The following VGLL3 variants were observed in gnomAD, a reference collection of about 807,000 sequenced individuals.
VGLL3 encodes the protein transcription cofactor vestigial-like protein 3.
A neutral mutation model predicts 29.2 loss-of-function variants in VGLL3; 18 were observed. That is an observed-to-expected ratio of 0.62 (90% CI 0.43 to 0.91). VGLL3 has a LOEUF of 0.91. Among genes scored for constraint, VGLL3 ranks in the 40% least tolerant of loss-of-function variants. The probability of loss-of-function intolerance (pLI) is 0.00; values close to 1 mark genes in which losing one functional copy is unlikely to be tolerated. For missense variants in VGLL3, 440 were observed against 413.2 expected (o/e 1.06, Z -0.56); for synonymous variants, 180 against 151.8 (o/e 1.19, Z -1.36).
intron 3 of VGLL3, among the ~76,000 whole-genome samples, chr3:86,968,017 A>C (rs575907314): frequency 6.6e-6 from 1 of 152,284 alleles, no homozygotes; most frequent in Non-Finnish European, 1.5e-5. Context: ...GGAATAAGAG[A>C]AAAGAAGGAA....
chr3:86,938,249 T>C lies in VGLL3; in HGVS notation c.*8775A>G, dbSNP rs1180338298. On this transcript the variant is annotated 3_prime_UTR_variant, in exon 4 of 4. Coordinates refer to ENST00000398399, the MANE Select transcript of VGLL3 (RefSeq NM_016206.4). ...TCATTATCACAATCAAATTAATTAA[T>C]ACAACCATAACTAGAAGTATTTTTT... 6.6e-6 allele frequency: 1 copy of C among 152,186 alleles called. No homozygotes were observed. Among genetic ancestry groups the C allele is most frequent in the East Asian group, 1.9e-4 (1 of 5,192 alleles). 9.4% of individuals were successfully genotyped at this position (152,186 alleles called of 1,614,324 possible). A position where few individuals can be genotyped will look rare whatever the true frequency, so the allele number is the denominator to read the frequency against.
chr3:86,971,584 A>G (rs1705101231), intron 2 of VGLL3, among the ~76,000 whole-genome samples: 1 of 152,208 alleles, frequency 6.6e-6, no homozygotes, highest in African/African-American at 2.4e-5. Context: ...ATCCAAAAAT[A>G]CCACCTATAA....
rs1486173796 is a variant in VGLL3, at chr3:86,940,731, G to A, written c.*6293C>T. ...ATCTTATATCATTGACACATATTAT[G>A]AGACCTGCATTTGAAGAGTGAATAG... On this transcript the variant is annotated 3_prime_UTR_variant, in exon 4 of 4. Coordinates refer to ENST00000398399, the MANE Select transcript of VGLL3 (RefSeq NM_016206.4). 1 of 151,892 alleles carries A rather than the reference G, an allele frequency of 6.6e-6. No homozygotes were observed. Among genetic ancestry groups the A allele is most frequent in the Admixed American group, 6.6e-5 (1 of 15,256 alleles). 9.4% of individuals were successfully genotyped at this position (151,892 alleles called of 1,614,324 possible).
chr3:86,969,164 T>A, intron 2 of VGLL3, 41 bp from the exon 3 acceptor site: 1 of 1,523,232 alleles, frequency 6.6e-7, no homozygotes, highest in Non-Finnish European at 8.8e-7. Flanking sequence ...AACATAAGAC[T>A]CAGTTTTGGG....
At position 86,978,522 on chromosome 3, in the gene VGLL3, T is replaced by C; in HGVS notation, c.403+4A>G. ...CTGGAGAACATCTGCTTTTGAATTC[T>C]TACCTCGCCATAGGGGGGTTAGCCC... On this transcript the variant is annotated splice_donor_region_variant and intron_variant, in intron 2 of 3. Transcript: ENST00000398399. 1 of 1,613,312 alleles carries C rather than the reference T, an allele frequency of 6.2e-7. No individual in the cohort carries two copies. Among genetic ancestry groups the C allele is most frequent in the Non-Finnish European group, 8.5e-7 (1 of 1,179,602 alleles).
chr3:86,984,873 CTCTAAGTGGCTAATAT>C (rs1419911239), intron 1 of VGLL3, among the ~76,000 whole-genome samples: 3 of 152,106 alleles, frequency 2.0e-5, no homozygotes, highest in Non-Finnish European at 2.9e-5. Flanking sequence ...GCATTATAAT[CTCTAAGTGGCTAATAT>C]TCCAAAATTT....
intron 3 of VGLL3, among the ~76,000 whole-genome samples, chr3:86,950,077 C>A (rs1704586697): frequency 6.6e-6 from 1 of 152,152 alleles, no homozygotes. Context: ...TGCTCCTATT[C>A]ATACTTTTCT....
chr3:86,967,023 C>A (rs1704979972), intron 3 of VGLL3, among the ~76,000 whole-genome samples: 1 of 151,556 alleles, frequency 6.6e-6, no homozygotes, highest in South Asian at 2.1e-4. Flanking sequence ...AATTCTGTAA[C>A]AAGTGAGTGA....
In VGLL3 at chr3:86,943,938, T is replaced by TC. The variant is rs1299831192; in HGVS notation, c.*3085dup. On this transcript the variant is annotated 3_prime_UTR_variant, in exon 4 of 4. Transcript: ENST00000398399. ...TAAAATCAGACAAAAGTCACCTTTG[T>TC]CTAAAGGTGGAGTGGTTTTAATAAA... The TC allele has an allele frequency of 6.6e-6, 1 of 152,174 alleles. No homozygotes were observed. The highest frequency in any genetic ancestry group is 1.5e-5 in the Non-Finnish European group (1 of 68,036). The allele number at this position is 152,174 out of a possible 1,614,324, so 9.4% of individuals were successfully genotyped here. A position where few individuals can be genotyped will look rare whatever the true frequency, so the allele number is the denominator to read the frequency against.
In VGLL3 at chr3:86,990,649, T is replaced by A. The variant is rs755091157; in HGVS notation, c.95A>T (p.Tyr32Phe). 1 of 1,389,716 alleles carries A rather than the reference T, an allele frequency of 7.2e-7. No homozygotes were observed. The highest frequency in any genetic ancestry group is 9.4e-7 in the Non-Finnish European group (1 of 1,066,328). The allele number at this position is 1,389,716 out of a possible 1,614,324, so 86.1% of individuals were successfully genotyped here. A position where few individuals can be genotyped will look rare whatever the true frequency, so the allele number is the denominator to read the frequency against. ...PMAATTCPTAYYQPAPQPGQQ... is the reference protein window; with the variant it reads ...PMAATTCPTAFYQPAPQPGQQ... ...GCCAGGTTGGGGCGCCGGCTGATAG[T>A]AGGCTGTGGGGCAGGTTGTCGCTGC... Residue 32 changes from tyrosine to phenylalanine, a missense_variant, in exon 1 of 4, where the codon TAC becomes TTC. Transcript: ENST00000398399.
intron 1 of VGLL3, among the ~76,000 whole-genome samples, chr3:86,983,191 C>A (rs190723312): frequency 1.1e-4 from 16 of 152,304 alleles, no homozygotes; most frequent in African/African-American, 3.9e-4. Context: ...TAATGAATCA[C>A]TGGAGTCTTT....
intron 1 of VGLL3, among the ~76,000 whole-genome samples, chr3:86,983,364 G>C (rs1705369053): frequency 6.6e-6 from 1 of 152,152 alleles, no homozygotes; most frequent in South Asian, 2.1e-4. Flanking sequence ...ACATTACTCT[G>C]TGACCATATA....
At chr3:86,978,451 T>G in intron 2 of VGLL3, 75 bp downstream of exon 2, 1 of 1,519,796 alleles carries the variant, frequency 6.6e-7, no homozygotes, top group East Asian at 2.3e-5. Flanking sequence ...GGGGCAAGTC[T>G]CCAGCTGGAA....
At chr3:86,964,742 C>G (rs1704923407) in intron 3 of VGLL3, among the ~76,000 whole-genome samples, 1 of 152,190 alleles carries the variant, frequency 6.6e-6, no homozygotes, top group Non-Finnish European at 1.5e-5. Context: ...GAACCTTGAT[C>G]TTGGATTTCC....
chr3:86,949,746 G>T (rs1372701945), intron 3 of VGLL3, among the ~76,000 whole-genome samples: 1 of 149,152 alleles, frequency 6.7e-6, no homozygotes, highest in Non-Finnish European at 1.5e-5. Context: ...AGAATGGCGT[G>T]AACCCGGGAG....
intron 3 of VGLL3, 58 bp downstream of exon 3, chr3:86,968,532 C>A (rs903529705): frequency 3.3e-6 from 5 of 1,512,822 alleles, no homozygotes; most frequent in Non-Finnish European, 4.4e-6. Context: ...AACAAATTTC[C>A]ACCCTTTCTT....
intron 3 of VGLL3, among the ~76,000 whole-genome samples, chr3:86,968,091 G>GA (rs1374666834): frequency 1.3e-5 from 2 of 151,574 alleles, no homozygotes; most frequent in Admixed American, 6.6e-5. Context: ...AGAAAATGAA[G>GA]AAAAAAATCA....
chr3:86,981,022 T>G (rs889385569), intron 1 of VGLL3, among the ~76,000 whole-genome samples: 1 of 152,150 alleles, frequency 6.6e-6, no homozygotes, highest in Non-Finnish European at 1.5e-5. Context: ...ATTCTTTAAA[T>G]AGAAGAGCCT....
chr3:86,942,663 A>T lies in VGLL3; in HGVS notation c.*4361T>A, dbSNP rs1439678876. The T allele has an allele frequency of 2.0e-5, 3 of 152,210 alleles. No homozygotes were observed. The highest frequency in any genetic ancestry group is 4.4e-5 in the Non-Finnish European group (3 of 68,036). The allele number at this position is 152,210 out of a possible 1,614,324, so 9.4% of individuals were successfully genotyped here. On this transcript the variant is annotated 3_prime_UTR_variant, in exon 4 of 4. Transcript: ENST00000398399. ...CACAGTAATTTAAATAAAATTTTGG[A>T]ACATGTAGGAAAACTGAATTGGACC...
Sources: allele counts gnomAD v4.1 joint callset (sites outside exome capture counted in the v4.1 genomes callset), GRCh38; gene constraint gnomAD v4.1.1; transcripts MANE v1.5; gene names NCBI Gene and HGNC (gene_info 2026-07-23, HGNC 2026-07-21).